OR6N1: variants seen among roughly 807,000 people sequenced by gnomAD.
OR6N1 encodes olfactory receptor 6N1.
For missense variants in OR6N1, 394 were observed against 371.7 expected, an observed-to-expected ratio of 1.06 and a Z score of -0.49; for synonymous variants, 170 against 150.7, an observed-to-expected ratio of 1.13 and a Z score of -0.94.
chr1:158,836,174 A>G, the OR6N1 span, among the ~76,000 whole-genome samples: 2 of 152,002 alleles, frequency 1.3e-5, no homozygotes, highest in South Asian at 2.1e-4. Context: ...CATAAGGGAT[A>G]TTGTTTAGAA....
At chr1:158,836,180 T>C in the OR6N1 span, among the ~76,000 whole-genome samples, 1 of 152,030 alleles carries the variant, frequency 6.6e-6, no homozygotes, top group African/African-American at 2.4e-5. Flanking sequence ...GGATATTGTT[T>C]AGAAAATTTT....
At chr1:158,788,069 G>GA in the OR6N1 span, among the ~76,000 whole-genome samples, 1 of 152,120 alleles carries the variant, frequency 6.6e-6, no homozygotes, top group Non-Finnish European at 1.5e-5. Flanking sequence ...CACCTACTAA[G>GA]AGGAGATAAG....
chr1:158,787,635 TCACACA>T, the OR6N1 span, among the ~76,000 whole-genome samples: 60 of 134,300 alleles, frequency 4.5e-4, no homozygotes, highest in South Asian at 5.1e-3. Context: ...TCTCTCTCTC[TCACACA>T]CACACACACA....
the OR6N1 span, among the ~76,000 whole-genome samples, chr1:158,786,999 T>TA: frequency 1.3e-5 from 2 of 152,176 alleles, no homozygotes; most frequent in African/African-American, 2.4e-5. Flanking sequence ...GATTTTTTTT[T>TA]ATCTCATGTT....
chr1:158,766,346 A>G lies in OR6N1; in HGVS notation c.337T>C (p.Tyr113His). 6.2e-7 allele frequency: 1 copy of G among 1,614,146 alleles called. No individual in the cohort carries two copies. Among genetic ancestry groups the G allele is most frequent in the Non-Finnish European group, 8.5e-7 (1 of 1,180,020 alleles). Reference protein sequence around the residue: ...FFHSLGATECYLLTAMAYDRY... With the variant: ...FFHSLGATECHLLTAMAYDRY... ...TCGTAGGCCATAGCTGTCAGGAGAT[A>G]GCACTCAGTCGCTCCAAGGGAGTGA... The change falls in exon 2 of 2, where the codon TAT becomes CAT. Residue 113 changes from tyrosine (Y) to histidine (H), a missense_variant. By Grantham distance (83) the Tyr-to-His change is moderately conservative. Transcript: ENST00000641846.
At chr1:158,769,594 TCTC>T (rs1201955892) in intron 1 of OR6N1, among the ~76,000 whole-genome samples, 1 of 152,166 alleles carries the variant, frequency 6.6e-6, no homozygotes, top group Non-Finnish European at 1.5e-5. Context: ...CACCGAGTCT[TCTC>T]CTTCTGCCCT....
the OR6N1 span, among the ~76,000 whole-genome samples, chr1:158,787,869 C>A: frequency 3.3e-5 from 5 of 152,234 alleles, no homozygotes; most frequent in South Asian, 1.0e-3. Context: ...GACTTAAATG[C>A]ACTTACTAAT....
At chr1:158,776,798 C>A, upstream of OR6N1, 3 of 1,613,882 alleles carry the variant, frequency 1.9e-6, no homozygotes, top group Non-Finnish European at 2.5e-6. Context: ...GGTGTTAGTA[C>A]GGAGTAAACT....
the OR6N1 span, among the ~76,000 whole-genome samples, chr1:158,785,362 G>C: frequency 0.03 from 4,626 of 152,046 alleles, 243 homozygotes; most frequent in African/African-American, 0.11. Flanking sequence ...ACTAAAATTT[G>C]ACAAGTATTT....
chr1:158,837,342 T>C, the OR6N1 span, among the ~76,000 whole-genome samples: 1 of 151,832 alleles, frequency 6.6e-6, no homozygotes, highest in East Asian at 1.9e-4. Flanking sequence ...AGTTGTCTAT[T>C]TCTCCCTTCA....
the OR6N1 span, among the ~76,000 whole-genome samples, chr1:158,815,874 G>A: frequency 6.6e-6 from 1 of 152,204 alleles, no homozygotes; most frequent in Admixed American, 6.5e-5. Flanking sequence ...GGTAAACATA[G>A]GCCGGGCACA....
upstream of OR6N1, chr1:158,774,395 G>C (rs1349856834): frequency 6.6e-6 from 1 of 152,078 alleles, no homozygotes; most frequent in African/African-American, 2.4e-5. Flanking sequence ...GTTACTCATA[G>C]ACATGCAGCA....
At chr1:158,818,224 T>A in the OR6N1 span, among the ~76,000 whole-genome samples, 2 of 152,250 alleles carry the variant, frequency 1.3e-5, no homozygotes, top group Non-Finnish European at 2.9e-5. Flanking sequence ...TCTGTCATAC[T>A]GGACTAGACA....
chr1:158,770,571 A>G (rs1457556417), intron 1 of OR6N1, among the ~76,000 whole-genome samples: 1 of 152,228 alleles, frequency 6.6e-6, no homozygotes, highest in East Asian at 1.9e-4. Context: ...ATCACTTTCC[A>G]GTGGCCCCCA....
chr1:158,787,635 T>TCTCTCTCTCA, the OR6N1 span, among the ~76,000 whole-genome samples: 43 of 134,316 alleles, frequency 3.2e-4, no homozygotes, highest in African/African-American at 6.8e-4. Context: ...TCTCTCTCTC[T>TCTCTCTCTCA]CACACACACA....
chr1:158,777,361 A>C, the OR6N1 span: 82 of 1,614,200 alleles, frequency 5.1e-5, no homozygotes, highest in East Asian at 1.1e-3. Context: ...TGCAAAAGAA[A>C]TGGTTTTCTT....
chr1:158,784,811 C>T, the OR6N1 span, among the ~76,000 whole-genome samples: 2 of 152,020 alleles, frequency 1.3e-5, no homozygotes, highest in African/African-American at 4.8e-5. Flanking sequence ...TTTTCTTTAT[C>T]CATTTATCTG....
the OR6N1 span, among the ~76,000 whole-genome samples, chr1:158,815,865 G>A: frequency 2.6e-5 from 4 of 152,048 alleles, no homozygotes; most frequent in Admixed American, 2.6e-4. Flanking sequence ...TACGAATATG[G>A]TAAACATAGG....
chr1:158,820,386 A>G, the OR6N1 span, among the ~76,000 whole-genome samples: 1 of 152,256 alleles, frequency 6.6e-6, no homozygotes, highest in Non-Finnish European at 1.5e-5. Flanking sequence ...TCCATAAATC[A>G]TCATTGTAAA....
Sources: allele counts gnomAD v4.1 joint callset (sites outside exome capture counted in the v4.1 genomes callset), GRCh38; gene constraint gnomAD v4.1.1; transcripts MANE v1.5; gene names NCBI Gene and HGNC (gene_info 2026-07-23, HGNC 2026-07-21).